The following TAS1R1 variants were observed in gnomAD, a reference collection of about 807,000 sequenced individuals.
TAS1R1 encodes the protein taste receptor type 1 member 1.
A neutral mutation model predicts 45.8 loss-of-function variants in TAS1R1; 31 were observed. The ratio of observed to expected loss-of-function variants is 0.68; its 90% CI spans 0.51 to 0.91. The LOEUF (loss-of-function observed/expected upper bound fraction) is 0.91, where lower values mean the gene tolerates loss of function less well. Among genes scored for constraint, TAS1R1 ranks in the 40% least tolerant of loss-of-function variants. The probability of loss-of-function intolerance (pLI) is 0.00; values close to 1 mark genes in which losing one functional copy is unlikely to be tolerated. For missense variants in TAS1R1, 1,051 were observed against 1,063.9 expected, an observed-to-expected ratio of 0.99 and a Z score of 0.17; for synonymous variants, 437 against 448.4, an observed-to-expected ratio of 0.97 and a Z score of 0.32.
In TAS1R1 at chr1:6,571,102, C is replaced by T. The variant is rs201212275; in HGVS notation, c.385C>T (p.Leu129Phe). The change falls in exon 2 of 6, where the codon CTC becomes TTC. Residue 129 changes from leucine (L) to phenylalanine (F), a missense_variant. Transcript: ENST00000333172. ...CCTGCCAGGGCAACACCACATAGAGCTCCAAGGAGACCTTCTCCACTATTC... is the reference window on the plus strand; with the variant it reads ...CCTGCCAGGGCAACACCACATAGAGTTCCAAGGAGACCTTCTCCACTATTC... The part of the protein sequence containing the change: ...LSLPGQHHIE[L>F]QGDLLHYSPT... 1.8e-5 allele frequency: 29 copies of T among 1,614,068 alleles called. No individual in the cohort carries two copies. The African/African-American group carries it at 3.9e-4, about 22-fold the overall frequency.
chr1:6,575,258 C>T lies in TAS1R1; in HGVS notation c.1126C>T (p.Pro376Ser). Reference protein sequence around the residue: ...ECQAFMAHTMPKLKAFSMSSA... With the variant: ...ECQAFMAHTMSKLKAFSMSSA... Reference sequence around the variant, plus strand: ...CCAAGCTTTCATGGCACACACGATGCCCAAGCTCAAAGCCTTCTCCATGAG... The same window carrying T: ...CCAAGCTTTCATGGCACACACGATGTCCAAGCTCAAAGCCTTCTCCATGAG... The change falls in exon 3 of 6, where the codon CCC (proline) becomes TCC (serine). Residue 376 changes from proline to serine, a missense_variant. Pro to Ser is a moderately conservative substitution (Grantham distance 74, BLOSUM62 -1). Transcript: ENST00000333172. The T allele has an allele frequency of 6.2e-7, 1 of 1,613,382 alleles. No homozygotes were observed. Among genetic ancestry groups the T allele is most frequent in the South Asian group, 1.1e-5 (1 of 91,088 alleles).
At position 6,579,312 on chromosome 1, in the gene TAS1R1, T is replaced by G; in HGVS notation, c.2254T>G (p.Leu752Val). The G allele has an allele frequency of 6.2e-7, 1 of 1,614,222 alleles. No individual in the cohort carries two copies. The highest frequency in any genetic ancestry group is 2.2e-5 in the East Asian group (1 of 44,884). The change falls in exon 6 of 6, where the codon TTG (leucine) becomes GTG (valine). Residue 752 changes from leucine to valine, a missense_variant. By Grantham distance (32) the Leu-to-Val change is conservative (BLOSUM62 1). Transcript: ENST00000333172. ...TGCCTGCAGCTACCTGGGTAAGGAC[T>G]TGCCAGAGAACTACAACGAGGCCAA... Reference protein sequence around the residue: ...AFACSYLGKDLPENYNEAKCV... With the variant: ...AFACSYLGKDVPENYNEAKCV...
chr1:6,563,266 G>C (rs1311879927), intron 1 of TAS1R1, among the ~76,000 whole-genome samples: 1 of 152,214 alleles, frequency 6.6e-6, no homozygotes, highest in African/African-American at 2.4e-5. Context: ...TGGTTACATT[G>C]ATGGGACAGT....
chr1:6,558,429 A>G (rs1377776413), intron 1 of TAS1R1, among the ~76,000 whole-genome samples: 1 of 151,970 alleles, frequency 6.6e-6, no homozygotes, highest in Non-Finnish European at 1.5e-5. Flanking sequence ...TTTTTAATTT[A>G]TTTATTTTGG....
At chr1:6,570,641 T>TTC (rs139480045) in intron 1 of TAS1R1, among the ~76,000 whole-genome samples, 2 of 151,938 alleles carry the variant, frequency 1.3e-5, no homozygotes, top group Non-Finnish European at 2.9e-5. Context: ...ATTTCTCACT[T>TTC]TCTCTCTCTC....
At chr1:6,558,036 G>GTTGTT (rs1639714987) in intron 1 of TAS1R1, among the ~76,000 whole-genome samples, 5 of 140,818 alleles carry the variant, frequency 3.6e-5, no homozygotes, top group African/African-American at 1.4e-4. Context: ...GTAGTGGTTA[G>GTTGTT]TTTTTGTTTT....
At chr1:6,568,449 C>T (rs1449283449) in intron 1 of TAS1R1, among the ~76,000 whole-genome samples, 5 of 146,900 alleles carry the variant, frequency 3.4e-5, no homozygotes, top group Admixed American at 6.8e-5. Context: ...TGTGAGACTC[C>T]GTCTCAAAAA....
chr1:6,555,728 C>G lies in TAS1R1; in HGVS notation c.191+164C>G, dbSNP rs150213320. Among the ~76,000 whole-genome samples, 1,445 of 152,336 alleles carry G rather than the reference C, an allele frequency of 9.5e-3. 23 individuals are homozygous for G. Among genetic ancestry groups the G allele is most frequent in the African/African-American group, 0.032 (1,322 of 41,568 alleles). On this transcript the variant is annotated intron_variant, in intron 1 of 5. Transcript: ENST00000333172. The stretch of plus-strand genomic sequence containing the variant: ...CCACCTAAGTGCTGGCTAGACCTTC[C>G]TAGACACTTCGGCCAGTTTCCAATT...
Position 6,579,207 on chromosome 1 carries a change from A to G in TAS1R1, c.2149A>G (p.Met717Val). 1 of 1,614,150 alleles carries G rather than the reference A, an allele frequency of 6.2e-7. No homozygotes were observed. Among genetic ancestry groups the G allele is most frequent in the African/African-American group, 1.3e-5 (1 of 75,032 alleles). Reference sequence around the variant, plus strand: ...ATACCAGCGCTTCCCCCATCTGGTGATGCTTGAGTGCACAGAGACCAACTC... The same window carrying G: ...ATACCAGCGCTTCCCCCATCTGGTGGTGCTTGAGTGCACAGAGACCAACTC... ...REYQRFPHLV[M>V]LECTETNSLG... Residue 717 changes from methionine to valine, a missense_variant, in exon 6 of 6, where the codon ATG (methionine) becomes GTG (valine). By Grantham distance (21) the Met-to-Val change is conservative. Transcript: ENST00000333172.
chr1:6,576,874 G>T, intron 4 of TAS1R1, 76 bp from the exon 5 acceptor site: 2 of 1,606,486 alleles, frequency 1.2e-6, no homozygotes, highest in South Asian at 2.2e-5. Context: ...GATGCACAGA[G>T]ATTCTGTTTT....
chr1:6,578,808 ACTGCTGGCCTGTTTGCCTGG>A lies in TAS1R1; in HGVS notation c.1752_1771del (p.Ala585ProfsTer25). The A allele has an allele frequency of 6.2e-7, 1 of 1,613,590 alleles. No individual in the cohort carries two copies. The highest frequency in any genetic ancestry group is 8.5e-7 in the Non-Finnish European group (1 of 1,179,804). On this transcript the variant is annotated frameshift_variant, in exon 6 of 6. Coordinates refer to ENST00000333172, the MANE Select transcript of TAS1R1 (RefSeq NM_138697.4). LOFTEE classifies it low-confidence loss of function (END_TRUNC). ...GCTGCTGCTGCTGCTGCTGCTTGGG[ACTGCTGGCCTGTTTGCCTGG>A]CACCTAGACACCCCTGTGGTGAGGT...
Position 6,574,888 on chromosome 1 carries a change from C to T in TAS1R1, c.756C>T (p.Gly252=), listed in dbSNP as rs149994812. The part of the protein sequence containing the change: ...KDIMPFSAQV[G]DERMQCLMRH... ...TCATGCCCTTCTCTGCCCAGGTGGG[C>T]GATGAGAGGATGCAGTGCCTCATGC... The change falls in exon 3 of 6, where the codon GGC becomes GGT. Residue 252 remains glycine (G), a synonymous_variant. Coordinates refer to ENST00000333172, the MANE Select transcript of TAS1R1 (RefSeq NM_138697.4). This position sits in a 1 kb window ranked among gnomAD's most constrained non-coding sequence, Gnocchi z 4.3. 6.3e-5 allele frequency: 101 copies of T among 1,614,200 alleles called. 1 individual carries two copies. Among genetic ancestry groups the T allele is most frequent in the South Asian group, 2.3e-4 (21 of 91,088 alleles).
At chr1:6,564,344 G>A (rs1035486559) in intron 1 of TAS1R1, among the ~76,000 whole-genome samples, 1 of 152,124 alleles carries the variant, frequency 6.6e-6, no homozygotes, top group Non-Finnish European at 1.5e-5. Context: ...CTTGTTCGTG[G>A]AGAAGATGGT....
intron 1 of TAS1R1, among the ~76,000 whole-genome samples, chr1:6,565,219 G>T (rs1470706938): frequency 1.3e-5 from 2 of 152,084 alleles, no homozygotes; most frequent in Non-Finnish European, 2.9e-5. Context: ...GGGTTAAGGG[G>T]AGCACTTTTG....
Position 6,574,869 on chromosome 1 carries a change from C to T in TAS1R1, c.737C>T (p.Pro246Leu). Reference sequence around the variant, plus strand: ...TGCATTGCTTTCAAGGACATCATGCCCTTCTCTGCCCAGGTGGGCGATGAG... The same window carrying T: ...TGCATTGCTTTCAAGGACATCATGCTCTTCTCTGCCCAGGTGGGCGATGAG... The part of the protein sequence containing the change: ...GICIAFKDIM[P>L]FSAQVGDERM... Residue 246 changes from proline (P) to leucine (L), a missense_variant, in exon 3 of 6, where the codon CCC becomes CTC. Pro to Leu is a moderately conservative substitution (Grantham distance 98). Coordinates refer to ENST00000333172, the MANE Select transcript of TAS1R1 (RefSeq NM_138697.4). The surrounding 1 kb of genome is among the most constrained non-coding windows in gnomAD (Gnocchi z 4.3). 2 of 1,614,234 alleles carry T rather than the reference C, an allele frequency of 1.2e-6. No individual in the cohort carries two copies. Among genetic ancestry groups the T allele is most frequent in the Non-Finnish European group, 8.5e-7 (1 of 1,180,044 alleles).
chr1:6,571,349 C>A, intron 2 of TAS1R1, 134 bp downstream of exon 2: 1 of 943,450 alleles, frequency 1.1e-6, no homozygotes, highest in Non-Finnish European at 1.5e-6. Flanking sequence ...TCTTTAGTCA[C>A]AAGTCAGGGG....
chr1:6,562,792 G>A (rs1449633197), intron 1 of TAS1R1, among the ~76,000 whole-genome samples: 1 of 152,162 alleles, frequency 6.6e-6, no homozygotes, highest in Non-Finnish European at 1.5e-5. Context: ...ATAGGTTGAG[G>A]TTCCACACAA....
Position 6,578,986 on chromosome 1 carries a change from C to G in TAS1R1, c.1928C>G (p.Thr643Ser). Reference protein sequence around the residue: ...LRQALFALGFTIFLSCLTVRS... With the variant: ...LRQALFALGFSIFLSCLTVRS... Reference sequence around the variant, plus strand: ...CAGGCCCTCTTTGCCCTTGGTTTCACCATCTTCCTGTCCTGCCTGACAGTT... The same window carrying G: ...CAGGCCCTCTTTGCCCTTGGTTTCAGCATCTTCCTGTCCTGCCTGACAGTT... The change falls in exon 6 of 6, where the codon ACC becomes AGC. Residue 643 changes from threonine (T) to serine (S), a missense_variant. Transcript: ENST00000333172. The G allele has an allele frequency of 6.2e-7, 1 of 1,614,178 alleles. No homozygotes were observed. The highest frequency in any genetic ancestry group is 1.3e-5 in the African/African-American group (1 of 75,072).
At position 6,579,643 on chromosome 1, in the gene TAS1R1, C is replaced by A; in HGVS notation, c.*59C>A. The A allele has an allele frequency of 6.5e-7, 1 of 1,547,520 alleles. No individual in the cohort carries two copies. Among genetic ancestry groups the A allele is most frequent in the Admixed American group, 1.8e-5 (1 of 55,090 alleles). On this transcript the variant is annotated 3_prime_UTR_variant, in exon 6 of 6. Coordinates refer to ENST00000333172, the MANE Select transcript of TAS1R1 (RefSeq NM_138697.4). ...TCTGCCCTGAGGGTCGAAGGTCGAG[C>A]AGGCCGGGGGTGTCCGGGAGGTCTT...
Sources: allele counts gnomAD v4.1 joint callset (sites outside exome capture counted in the v4.1 genomes callset), GRCh38; gene constraint gnomAD v4.1.1; non-coding constraint Gnocchi (gnomAD v3.1); transcripts MANE v1.5; gene names NCBI Gene and HGNC (gene_info 2026-07-23, HGNC 2026-07-21).